PCDHA11: variants seen among roughly 807,000 people sequenced by gnomAD.
The protein encoded by PCDHA11 is protocadherin alpha-11.
In PCDHA11, 61 loss-of-function variants were observed where a neutral mutation model predicts 70.3. The ratio of observed to expected loss-of-function variants is 0.87; its 90% CI spans 0.71 to 1.07. The LOEUF is 1.07. Among genes scored for constraint, PCDHA11 ranks in the 50% least tolerant of loss-of-function variants. The probability of loss-of-function intolerance (pLI) is 0.00; values close to 1 mark genes in which losing one functional copy is unlikely to be tolerated. For synonymous variants in PCDHA11, 633 were observed against 555.1 expected (o/e 1.14, Z -1.97); for missense variants, 1,324 against 1,237.5 (o/e 1.07, Z -1.05).
At chr5:140,929,935 T>C (rs1253092331) in intron 1 of PCDHA11, 1 of 152,218 alleles carries the variant, frequency 6.6e-6, no homozygotes, top group Non-Finnish European at 1.5e-5. Context: ...CAGTGTATTC[T>C]CTAGCCTATA....
At chr5:140,917,325 G>A (rs2078036694) in intron 1 of PCDHA11, among the ~76,000 whole-genome samples, 2 of 131,364 alleles carry the variant, frequency 1.5e-5, no homozygotes, top group East Asian at 2.1e-4. Context: ...TTCATGTGGC[G>A]GGGGAGGGGG....
rs1554164841 is a variant in PCDHA11 at position 140,870,925 on chromosome 5, T to A, written c.1822T>A (p.Tyr608Asn). Residue 608 changes from tyrosine to asparagine, a missense_variant, in exon 1 of 4, where the codon TAT (tyrosine) becomes AAT (asparagine). Physicochemically the swap from Tyr to Asn is moderately radical, Grantham distance 143. Coordinates refer to ENST00000398640, the MANE Select transcript of PCDHA11 (RefSeq NM_018902.5). Reference protein sequence around the residue: ...ADSGYNAWLSYELQPAAGGSR... With the variant: ...ADSGYNAWLSNELQPAAGGSR... ...CTCAGGCTACAACGCGTGGCTTTCA[T>A]ATGAATTGCAGCCGGCGGCGGGCGG... 1 of 1,613,916 alleles carries A rather than the reference T, an allele frequency of 6.2e-7. No homozygotes were observed. Among genetic ancestry groups the A allele is most frequent in the South Asian group, 1.1e-5 (1 of 91,082 alleles).
chr5:140,939,807 C>G (rs927084385), intron 1 of PCDHA11, among the ~76,000 whole-genome samples: 1 of 152,088 alleles, frequency 6.6e-6, no homozygotes, highest in African/African-American at 2.4e-5. Context: ...TCTGCATGTT[C>G]AAGAAAAAGC....
intron 1 of PCDHA11, among the ~76,000 whole-genome samples, chr5:140,910,613 C>T (rs1470911168): frequency 1.3e-5 from 2 of 152,192 alleles, no homozygotes; most frequent in Admixed American, 1.3e-4. Context: ...ACTGACTAAT[C>T]CACTCCACCA....
intron 1 of PCDHA11, among the ~76,000 whole-genome samples, chr5:140,945,624 C>T (rs1248945489): frequency 6.6e-6 from 1 of 152,028 alleles, no homozygotes; most frequent in African/African-American, 2.4e-5. Flanking sequence ...ATGGTACTGG[C>T]ATAAAAGACA....
rs782440984 is a variant in PCDHA11, at chr5:140,871,248, G to C, written c.2145G>C (p.Leu715=). 7.2e-5 allele frequency: 117 copies of C among 1,613,852 alleles called. No individual in the cohort carries two copies. The highest frequency in any genetic ancestry group is 9.5e-5 in the Non-Finnish European group (112 of 1,179,962). The part of the protein sequence containing the change: ...VVSSLLVLTL[L]LYTALWWSAT... Reference sequence around the variant, plus strand: ...CCAGCCTCCTGGTACTCACGCTGCTGCTGTATACGGCGCTGTGGTGGTCGG... The same window carrying C: ...CCAGCCTCCTGGTACTCACGCTGCTCCTGTATACGGCGCTGTGGTGGTCGG... The change falls in exon 1 of 4, where the codon CTG becomes CTC. Residue 715 remains leucine, a synonymous_variant. Coordinates refer to ENST00000398640, the MANE Select transcript of PCDHA11 (RefSeq NM_018902.5).
intron 1 of PCDHA11, among the ~76,000 whole-genome samples, chr5:140,879,151 T>C (rs1409921025): frequency 6.6e-6 from 1 of 152,216 alleles, no homozygotes; most frequent in Non-Finnish European, 1.5e-5. Flanking sequence ...GCAGGAAAGC[T>C]ATTTCTTTTT....
intron 1 of PCDHA11, among the ~76,000 whole-genome samples, chr5:140,973,831 C>T (rs1212841510): frequency 1.3e-5 from 2 of 152,214 alleles, no homozygotes; most frequent in African/African-American, 4.8e-5. Flanking sequence ...GTTCTGGGTA[C>T]TTGCTTGTTG....
chr5:140,913,821 A>G (rs2153527973), intron 1 of PCDHA11, among the ~76,000 whole-genome samples: 1 of 152,122 alleles, frequency 6.6e-6, no homozygotes, highest in East Asian at 1.9e-4. Context: ...TTCCTTTTAA[A>G]TTTCTTTATT....
intron 1 of PCDHA11, among the ~76,000 whole-genome samples, chr5:140,947,528 T>C (rs1175792550): frequency 6.6e-6 from 1 of 151,692 alleles, no homozygotes; most frequent in African/African-American, 2.4e-5. Context: ...GAATCAACTT[T>C]TCAATTTCTA....
chr5:140,892,448 A>G (rs973072554), intron 1 of PCDHA11, among the ~76,000 whole-genome samples: 13 of 152,292 alleles, frequency 8.5e-5, no homozygotes, highest in African/African-American at 2.9e-4. Context: ...ATTTACATGT[A>G]TTCTTTAAGT....
chr5:140,926,959 G>C (rs781794027), intron 1 of PCDHA11: 23 of 1,603,904 alleles, frequency 1.4e-5, no homozygotes, highest in Non-Finnish European at 1.9e-5. Context: ...GGGACAGCTC[G>C]AGTACTCAGT....
At chr5:140,883,052 A>G (rs1554176592) in intron 1 of PCDHA11, 1 of 1,614,134 alleles carries the variant, frequency 6.2e-7, no homozygotes, top group East Asian at 2.2e-5. Flanking sequence ...AACATTAGTG[A>G]TCAAGCTAAA....
chr5:140,985,590 T>C (rs1049609959), intron 3 of PCDHA11, among the ~76,000 whole-genome samples: 5 of 152,166 alleles, frequency 3.3e-5, no homozygotes, highest in African/African-American at 1.2e-4. Flanking sequence ...TCCTTATACT[T>C]GCTTCAGAGC....
At chr5:140,933,073 T>C (rs1198976304) in intron 1 of PCDHA11, among the ~76,000 whole-genome samples, 1 of 152,026 alleles carries the variant, frequency 6.6e-6, no homozygotes, top group Non-Finnish European at 1.5e-5. Context: ...TAAAGTATTA[T>C]GGGAAGTAAG....
intron 1 of PCDHA11, among the ~76,000 whole-genome samples, chr5:140,891,208 C>T (rs2062983751): frequency 1.3e-5 from 2 of 152,002 alleles, no homozygotes; most frequent in African/African-American, 4.8e-5. Context: ...TTTTACCATG[C>T]TGTGTCTTTA....
At chr5:140,910,780 C>T (rs2075160544) in intron 1 of PCDHA11, among the ~76,000 whole-genome samples, 1 of 152,192 alleles carries the variant, frequency 6.6e-6, no homozygotes, top group South Asian at 2.1e-4. Flanking sequence ...CAAGCTGCAA[C>T]ATTAAATGCA....
chr5:140,940,413 A>G (rs2092607327), intron 1 of PCDHA11, among the ~76,000 whole-genome samples: 1 of 152,166 alleles, frequency 6.6e-6, no homozygotes, highest in East Asian at 1.9e-4. Context: ...TTTAAAAATT[A>G]TAATTATTAC....
intron 1 of PCDHA11, among the ~76,000 whole-genome samples, chr5:140,960,274 C>A (rs1291069063): frequency 6.6e-6 from 1 of 152,130 alleles, no homozygotes. Context: ...ATTCCGTCAC[C>A]TTTTTGGGAC....
Sources: allele counts gnomAD v4.1 joint callset (sites outside exome capture counted in the v4.1 genomes callset), GRCh38; gene constraint gnomAD v4.1.1; transcripts MANE v1.5; gene names NCBI Gene and HGNC (gene_info 2026-07-23, HGNC 2026-07-21).